MTUS2: variants seen among roughly 807,000 people sequenced by gnomAD.
MTUS2 encodes the protein microtubule-associated tumor suppressor candidate 2.
Under a neutral mutation model 114.1 loss-of-function variants are expected in MTUS2, and 40 were observed. That is an observed-to-expected ratio of 0.35 (90% confidence interval 0.27 to 0.46). The LOEUF (loss-of-function observed/expected upper bound fraction) is 0.46, where lower values mean the gene tolerates loss of function less well. Ranked by LOEUF, MTUS2 falls within the 20% of genes least tolerant of loss-of-function variation. The pLI, the probability that MTUS2 is intolerant of heterozygous loss-of-function variation, is 1.00. For synonymous variants in MTUS2, 688 were observed against 672.0 expected (o/e 1.02, Z -0.37); for missense variants, 1,679 against 1,705.4 (o/e 0.98, Z 0.27).
At chr13:29,246,679 G>C (rs533652471) in intron 5 of MTUS2, among the ~76,000 whole-genome samples, 5 of 152,286 alleles carry the variant, frequency 3.3e-5, no homozygotes, top group East Asian at 1.9e-4. Context: ...AAGCAATGGA[G>C]TCAAGCAAAG....
At chr13:28,962,310 T>A (rs1883368339) in intron 2 of MTUS2, among the ~76,000 whole-genome samples, 1 of 152,064 alleles carries the variant, frequency 6.6e-6, no homozygotes, top group South Asian at 2.1e-4. Context: ...TCCCACACTG[T>A]TCCTGGCCCC....
chr13:29,408,251 TA>T (rs1418537155), intron 8 of MTUS2, among the ~76,000 whole-genome samples: 3 of 152,188 alleles, frequency 2.0e-5, no homozygotes, highest in Non-Finnish European at 4.4e-5. Flanking sequence ...AAACCCTCCC[TA>T]AACAGGGCAT....
At chr13:29,340,679 G>T (rs543267454) in intron 7 of MTUS2, among the ~76,000 whole-genome samples, 1 of 152,122 alleles carries the variant, frequency 6.6e-6, no homozygotes, top group Admixed American at 6.5e-5. Flanking sequence ...AGTTTTTGGG[G>T]GAAAGGTGAT....
intron 9 of MTUS2, among the ~76,000 whole-genome samples, chr13:29,454,780 T>C (rs986052698): frequency 2.0e-5 from 3 of 152,334 alleles, no homozygotes; most frequent in African/African-American, 7.2e-5. Flanking sequence ...TCTGCATAAC[T>C]ATTTCTTTTC....
chr13:29,327,522 T>C (rs1214409731), intron 7 of MTUS2, among the ~76,000 whole-genome samples: 1 of 152,252 alleles, frequency 6.6e-6, no homozygotes, highest in Non-Finnish European at 1.5e-5. Flanking sequence ...TTTTACTGGC[T>C]TCTTTCAACA....
At chr13:29,387,773 A>G (rs1193488829) in intron 8 of MTUS2, among the ~76,000 whole-genome samples, 2 of 152,120 alleles carry the variant, frequency 1.3e-5, no homozygotes. Flanking sequence ...TTGGCTTCAG[A>G]TTGCTTAATG....
At chr13:28,912,654 G>GT (rs1371299681) in intron 2 of MTUS2, among the ~76,000 whole-genome samples, 1 of 152,068 alleles carries the variant, frequency 6.6e-6, no homozygotes, top group Non-Finnish European at 1.5e-5. Context: ...AGCATGGATT[G>GT]TTTTTCCATT....
At chr13:29,262,823 A>G (rs1205246249) in intron 5 of MTUS2, among the ~76,000 whole-genome samples, 1 of 152,148 alleles carries the variant, frequency 6.6e-6, no homozygotes, top group Non-Finnish European at 1.5e-5. Flanking sequence ...ATGAGACAGG[A>G]TCTCATAAAA....
At chr13:29,470,987 C>A (rs919315474) in intron 9 of MTUS2, among the ~76,000 whole-genome samples, 12 of 152,194 alleles carry the variant, frequency 7.9e-5, no homozygotes, top group Non-Finnish European at 1.2e-4. Flanking sequence ...CCCGGTCTTT[C>A]CCTAGCCTTG....
chr13:29,455,050 C>A (rs1184720267), intron 9 of MTUS2, among the ~76,000 whole-genome samples: 1 of 152,208 alleles, frequency 6.6e-6, no homozygotes, highest in African/African-American at 2.4e-5. Context: ...AGCTTACTGC[C>A]TGGGGCTACT....
chr13:29,199,201 G>C (rs1894832942), intron 5 of MTUS2, among the ~76,000 whole-genome samples: 1 of 152,072 alleles, frequency 6.6e-6, no homozygotes, highest in African/African-American at 2.4e-5. Flanking sequence ...TATACTACAA[G>C]GCTGCAGTAA....
At chr13:29,140,460 A>G (rs1593520382) in intron 5 of MTUS2, among the ~76,000 whole-genome samples, 1 of 152,204 alleles carries the variant, frequency 6.6e-6, no homozygotes, top group East Asian at 1.9e-4. Context: ...ACAGCATGCC[A>G]GCGTAGTGAA....
rs151192506 is a variant in MTUS2 at position 29,282,525 on chromosome 13, C to T, written c.2806+660C>T. On this transcript the variant is annotated intron_variant, in intron 6 of 15. Transcript: ENST00000612955. ...GTGCCGAGGCAGCATCAGTGTGGCC[C>T]CTGCTATGCTTCTCCTCCCATCCCT... Among the ~76,000 whole-genome samples, 265 of 152,304 alleles carry T rather than the reference C, an allele frequency of 1.7e-3. 2 individuals are homozygous for T. The highest frequency in any genetic ancestry group is 6.2e-3 in the African/African-American group (256 of 41,566).
intron 6 of MTUS2, among the ~76,000 whole-genome samples, chr13:29,316,187 A>T (rs574872673): frequency 1.1e-4 from 16 of 152,326 alleles, no homozygotes; most frequent in African/African-American, 3.6e-4. Context: ...GTGGGGCCTC[A>T]TGTTCTAGTG....
rs557099752 is a variant in MTUS2 at position 28,945,257 on chromosome 13, C to T, written c.-242-79200C>T. On this transcript the variant is annotated intron_variant, in intron 2 of 15. Coordinates refer to ENST00000612955, the MANE Select transcript of MTUS2 (RefSeq NM_001033602.4). ...CACTTAGGTTGATTCCATATCTTTG[C>T]TATTGTGAATAGTGCTATAATAAAC... is the stretch of plus-strand genomic sequence containing the variant. Among the ~76,000 whole-genome samples, 4 of 150,976 alleles carry T rather than the reference C, an allele frequency of 2.6e-5. No homozygotes were observed. The South Asian group carries it at 8.4e-4, about 32-fold the overall frequency.
intron 1 of MTUS2, among the ~76,000 whole-genome samples, chr13:28,820,883 G>A (rs1421061642): frequency 2.0e-5 from 3 of 152,330 alleles, no homozygotes; most frequent in African/African-American, 7.2e-5. Flanking sequence ...GTTAAGGCGA[G>A]TTCTCCCCTA....
At chr13:29,371,381 C>G (rs1360929487) in intron 8 of MTUS2, among the ~76,000 whole-genome samples, 1 of 151,840 alleles carries the variant, frequency 6.6e-6, no homozygotes, top group East Asian at 1.9e-4. Flanking sequence ...CCATGCCCAA[C>G]TAATTTTTGT....
intron 5 of MTUS2, among the ~76,000 whole-genome samples, chr13:29,268,614 T>A (rs1308611682): frequency 1.3e-5 from 2 of 152,108 alleles, no homozygotes; most frequent in African/African-American, 4.8e-5. Context: ...TCCACAGCCC[T>A]CCATGGTGAG....
chr13:28,854,180 C>T (rs868553219), intron 2 of MTUS2, among the ~76,000 whole-genome samples: 30 of 152,208 alleles, frequency 2.0e-4, no homozygotes, highest in African/African-American at 6.5e-4. Flanking sequence ...TAATCTGCAT[C>T]TCAACAAGAA....
Sources: gnomAD v4.1 joint callset for allele counts (sites outside exome capture counted in the v4.1 genomes callset) on GRCh38, gnomAD v4.1.1 for gene constraint, MANE v1.5 for transcripts, NCBI Gene and HGNC (gene_info 2026-07-23, HGNC 2026-07-21) for gene names.